Variants in FADS2 observed in about 807,000 individuals in gnomAD.
FADS2 encodes the protein fatty acid desaturase 2, also known as acyl-CoA 6-desaturase.
Under a neutral mutation model 61.2 loss-of-function variants are expected in FADS2, and 18 were observed. That is an observed-to-expected ratio of 0.29 (90% CI 0.20 to 0.44). FADS2 has a LOEUF of 0.44. Among genes scored for constraint, FADS2 ranks in the 20% least tolerant of loss-of-function variants. The pLI, the probability that FADS2 is intolerant of heterozygous loss-of-function variation, is 1.00. For synonymous variants in FADS2, 203 were observed against 223.9 expected (o/e 0.91, Z 0.83); for missense variants, 322 against 572.7 (o/e 0.56, Z 4.47).
chr11:61,863,164 G>T, intron 8 of FADS2, 95 bp downstream of exon 8: 2 of 1,442,680 alleles, frequency 1.4e-6, no homozygotes, highest in South Asian at 2.3e-5. Context: ...ACTTTGCCTG[G>T]GGACCTCCCA....
intron 5 of FADS2, among the ~76,000 whole-genome samples, chr11:61,850,185 G>A (rs1241149001): frequency 6.6e-6 from 1 of 152,068 alleles, no homozygotes; most frequent in Non-Finnish European, 1.5e-5. Flanking sequence ...AACCATAACA[G>A]GACCTACATT....
upstream of FADS2, among the ~76,000 whole-genome samples, chr11:61,827,162 T>A (rs967153611): frequency 6.6e-6 from 1 of 152,068 alleles, no homozygotes; most frequent in Non-Finnish European, 1.5e-5. This position sits in a 1 kb window ranked among gnomAD's most constrained non-coding sequence, Gnocchi z 4.5. Flanking sequence ...AGCCGCCCCA[T>A]CCAGCTGGGG....
chr11:61,830,545 A>T (rs1032565258), intron 1 of FADS2, among the ~76,000 whole-genome samples: 1 of 152,216 alleles, frequency 6.6e-6, no homozygotes, highest in Non-Finnish European at 1.5e-5. Context: ...ATAAAAATGT[A>T]ATAGTCTCGT....
At chr11:61,856,910 C>T in intron 5 of FADS2, 101 bp from the exon 6 acceptor site, 1 of 968,496 alleles carries the variant, frequency 1.0e-6, no homozygotes, top group Non-Finnish European at 1.7e-6. Context: ...GTGGTGTGCC[C>T]TGAGCAGATA....
Position 61,865,348 on chromosome 11 carries a change from G to T in FADS2, c.1283+71G>T. 1.3e-6 allele frequency: 2 copies of T among 1,566,106 alleles called. No homozygotes were observed. The highest frequency in any genetic ancestry group is 1.2e-5 in the South Asian group (1 of 86,024). ...GGTGCAGACAGTGGGATCACAAGAG[G>T]GGCTGGGCCCTCCTGGCACAGTCAC... On this transcript the variant is annotated intron_variant, in intron 11 of 11. Transcript: ENST00000278840. This position sits in a 1 kb window ranked among gnomAD's most constrained non-coding sequence, Gnocchi z 4.1.
At chr11:61,853,146 C>T (rs2067321895) in intron 5 of FADS2, among the ~76,000 whole-genome samples, 1 of 141,398 alleles carries the variant, frequency 7.1e-6, no homozygotes, top group African/African-American at 2.7e-5. Context: ...CAGAGTGAGA[C>T]TCCGTCTCAA....
intron 5 of FADS2, among the ~76,000 whole-genome samples, chr11:61,850,753 GA>G (rs1430522619): frequency 2.6e-5 from 4 of 152,158 alleles, no homozygotes. Context: ...CAGATCTTAG[GA>G]GCCACAAAGC....
chr11:61,859,753 G>A (rs1290286790), intron 7 of FADS2, among the ~76,000 whole-genome samples: 6 of 135,570 alleles, frequency 4.4e-5, no homozygotes, highest in East Asian at 2.0e-4. Flanking sequence ...TTGAGAGGCC[G>A]AGGCGGGCAG....
intron 5 of FADS2, among the ~76,000 whole-genome samples, chr11:61,853,294 T>TC (rs1565334585): frequency 1.4e-5 from 1 of 71,942 alleles, no homozygotes; most frequent in Admixed American, 1.6e-4. Context: ...CTCCCTCCCT[T>TC]CCTTCCTTCC....
intron 5 of FADS2, among the ~76,000 whole-genome samples, chr11:61,851,083 G>A (rs2067302944): frequency 6.6e-6 from 1 of 152,178 alleles, no homozygotes; most frequent in Non-Finnish European, 1.5e-5. Context: ...ACAGGCTATT[G>A]TTATTCTTCT....
At chr11:61,849,120 C>T (rs1565333098) in intron 5 of FADS2, among the ~76,000 whole-genome samples, 1 of 152,310 alleles carries the variant, frequency 6.6e-6, no homozygotes, top group Admixed American at 6.5e-5. Flanking sequence ...TGGTCTCAAA[C>T]TCCTGACCTC....
Position 61,816,447 on chromosome 11 carries a change from G to GCTTT in FADS2, c.141+23_141+26dup. ...AACAGGTATGATCAGGCGCCTCCGG[G>GCTTT]CTTTCCTCCGAATTAGTCGGTGTTT... On this transcript the variant is annotated intron_variant, in intron 1 of 11. Coordinates refer to the FADS2 transcript ENST00000257261. This position sits in a 1 kb window ranked among gnomAD's most constrained non-coding sequence, Gnocchi z 7.0. 1 of 1,599,656 alleles carries GCTTT rather than the reference G, an allele frequency of 6.3e-7. No individual in the cohort carries two copies. The highest frequency in any genetic ancestry group is 1.7e-5 in the Admixed American group (1 of 60,004).
chr11:61,851,308 G>C (rs1467395750), intron 5 of FADS2, among the ~76,000 whole-genome samples: 1 of 152,186 alleles, frequency 6.6e-6, no homozygotes, highest in East Asian at 1.9e-4. Context: ...CTTGTGCGTG[G>C]TGGCCAGAGA....
At chr11:61,853,360 T>G (rs1203007436) in intron 5 of FADS2, among the ~76,000 whole-genome samples, 1 of 142,954 alleles carries the variant, frequency 7.0e-6, no homozygotes, top group Non-Finnish European at 1.5e-5. Flanking sequence ...AATCTGGATG[T>G]TGAAGTAGTC....
At position 61,828,625 on chromosome 11, in the gene FADS2, C is replaced by T; in HGVS notation, c.207+28C>T. ...AAGGGTCTGGGGGCGCCCCAGCCAC[C>T]CTTCTCTGCTGCAGGCGGAGTCAGG... On this transcript the variant is annotated intron_variant, in intron 1 of 11. Coordinates refer to ENST00000278840, the MANE Select transcript of FADS2 (RefSeq NM_004265.4). This position sits in a 1 kb window ranked among gnomAD's most constrained non-coding sequence, Gnocchi z 6.4. The T allele has an allele frequency of 6.3e-7, 1 of 1,590,004 alleles. No individual in the cohort carries two copies. The highest frequency in any genetic ancestry group is 8.6e-7 in the Non-Finnish European group (1 of 1,163,266).
At chr11:61,827,931 ATCC>A, upstream of FADS2, 1 of 634,434 alleles carries the variant, frequency 1.6e-6, no homozygotes, top group African/African-American at 2.0e-5. This position sits in a 1 kb window ranked among gnomAD's most constrained non-coding sequence, Gnocchi z 4.5. Flanking sequence ...CCTTCGAAAG[ATCC>A]TCCTGGGCCA....
At chr11:61,857,341 G>T (rs1452669061) in intron 6 of FADS2, 113 bp from the exon 7 acceptor site, 1 of 1,001,340 alleles carries the variant, frequency 1.0e-6, no homozygotes, top group Non-Finnish European at 1.6e-6. Flanking sequence ...GGCTGCTTCT[G>T]CCCACGTCTG....
upstream of FADS2, chr11:61,825,892 CAA>C: frequency 1.8e-6 from 1 of 570,172 alleles, no homozygotes; most frequent in Non-Finnish European, 3.1e-6. Flanking sequence ...GACTGCATCT[CAA>C]AAAAAAATTA....
intron 4 of FADS2, among the ~76,000 whole-genome samples, chr11:61,844,423 T>G (rs1468655533): frequency 6.6e-6 from 1 of 151,494 alleles, no homozygotes; most frequent in Non-Finnish European, 1.5e-5. Flanking sequence ...AAACAAAAAT[T>G]AGCCAGGCGA....
Sources: gnomAD v4.1 joint callset for allele counts (sites outside exome capture counted in the v4.1 genomes callset) on GRCh38, gnomAD v4.1.1 for gene constraint, Gnocchi (gnomAD v3.1) non-coding constraint, MANE v1.5 for transcripts, NCBI Gene and HGNC (gene_info 2026-07-23, HGNC 2026-07-21) for gene names.